The following MICU1 variants were observed in gnomAD, a reference collection of about 807,000 sequenced individuals.
The protein encoded by MICU1 is mitochondrial calcium uptake 1, also known as calcium uptake protein 1, mitochondrial.
Under a neutral mutation model 56.8 loss-of-function variants are expected in MICU1, and 45 were observed. The ratio of observed to expected loss-of-function variants is 0.79; its 90% confidence interval spans 0.62 to 1.02. MICU1 has a LOEUF of 1.02. Ranked by LOEUF, MICU1 falls within the 50% of genes least tolerant of loss-of-function variation. The probability of loss-of-function intolerance (pLI) is 0.00; values close to 1 mark genes in which losing one functional copy is unlikely to be tolerated. For missense variants in MICU1, 504 were observed against 587.1 expected (o/e 0.86, Z 1.46); for synonymous variants, 186 against 195.1 (o/e 0.95, Z 0.39).
intron 10 of MICU1, among the ~76,000 whole-genome samples, chr10:72,394,052 C>T (rs1863166847): frequency 6.6e-6 from 1 of 152,178 alleles, no homozygotes; most frequent in Admixed American, 6.5e-5. Flanking sequence ...CAGGTGTGAG[C>T]CAAAGAGCCC....
At chr10:72,395,522 T>C (rs1374336855) in intron 10 of MICU1, among the ~76,000 whole-genome samples, 1 of 152,106 alleles carries the variant, frequency 6.6e-6, no homozygotes, top group Admixed American at 6.5e-5. Flanking sequence ...GATTTCTCTT[T>C]CCTAGCCAAG....
chr10:72,379,863 CA>C (rs909011763), intron 10 of MICU1, among the ~76,000 whole-genome samples: 22 of 152,144 alleles, frequency 1.4e-4, no homozygotes, highest in African/African-American at 4.8e-4. Flanking sequence ...TGTTAGCCAG[CA>C]AACAGCCTAG....
At chr10:72,510,923 C>T (rs759587145) in intron 5 of MICU1, among the ~76,000 whole-genome samples, 1 of 152,198 alleles carries the variant, frequency 6.6e-6, no homozygotes, top group Admixed American at 6.5e-5. Context: ...TAAGCCACTG[C>T]GACCAGCCAA....
At chr10:72,505,583 T>C (rs772251774) in intron 6 of MICU1, among the ~76,000 whole-genome samples, 7 of 152,170 alleles carry the variant, frequency 4.6e-5, no homozygotes, top group Non-Finnish European at 1.0e-4. Flanking sequence ...AGTGGTGGAC[T>C]GGATAGAGAA....
At chr10:72,412,807 C>T (rs957058641) in intron 9 of MICU1, among the ~76,000 whole-genome samples, 8 of 148,826 alleles carry the variant, frequency 5.4e-5, no homozygotes, top group South Asian at 2.1e-4. Context: ...GCCAAGATTG[C>T]GCCATTGCAC....
rs769812177 is a variant in MICU1 at position 72,551,303 on chromosome 10, C to T, written c.369G>A (p.Thr123=). The part of the protein sequence containing the change: ...EYENRIRAYS[T]PDKIFRYFAT... ...CAAAATATCGGAAGATTTTGTCTGG[C>T]GTGGAGTAGGCTCGAATCCTATTCT... is the stretch of plus-strand genomic sequence containing the variant. Residue 123 remains threonine, a synonymous_variant, in exon 4 of 12, where the codon ACG becomes ACA. Transcript: ENST00000361114. The T allele has an allele frequency of 2.5e-6, 4 of 1,612,612 alleles. No individual in the cohort carries two copies. Among genetic ancestry groups the T allele is most frequent in the Non-Finnish European group, 2.5e-6 (3 of 1,179,322 alleles).
At chr10:72,583,437 C>G (rs1471518490) in intron 1 of MICU1, among the ~76,000 whole-genome samples, 1 of 152,104 alleles carries the variant, frequency 6.6e-6, no homozygotes, top group Admixed American at 6.6e-5. Context: ...TGTACCACCA[C>G]ACCTGGCTAA....
At chr10:72,521,835 G>A (rs544257397) in intron 5 of MICU1, among the ~76,000 whole-genome samples, 5 of 151,596 alleles carry the variant, frequency 3.3e-5, no homozygotes, top group African/African-American at 1.2e-4. Context: ...TTAACTTGAA[G>A]TTGAAGAGGA....
At chr10:72,373,320 A>G (rs1862409653) in intron 11 of MICU1, among the ~76,000 whole-genome samples, 1 of 151,886 alleles carries the variant, frequency 6.6e-6, no homozygotes, top group African/African-American at 2.4e-5. Flanking sequence ...CTAGAACTAC[A>G]TGCACACACT....
chr10:72,368,480 C>A, intron 11 of MICU1, 125 bp from the exon 12 acceptor site: 2 of 1,023,492 alleles, frequency 2.0e-6, no homozygotes, highest in South Asian at 1.6e-5. Flanking sequence ...AAACTCAATT[C>A]TCTTATCCTA....
chr10:72,427,288 C>T (rs1453635481), intron 8 of MICU1, among the ~76,000 whole-genome samples: 4 of 152,196 alleles, frequency 2.6e-5, no homozygotes, highest in East Asian at 1.9e-4. Context: ...GTTCACACTG[C>T]GCCTCTTGTT....
intron 5 of MICU1, among the ~76,000 whole-genome samples, chr10:72,509,902 T>C (rs896501480): frequency 1.1e-4 from 17 of 152,148 alleles, no homozygotes; most frequent in African/African-American, 4.1e-4. Flanking sequence ...GAAAAAAATT[T>C]GCATTTTTTA....
intron 8 of MICU1, among the ~76,000 whole-genome samples, chr10:72,429,102 TAC>T (rs1428163688): frequency 6.6e-6 from 1 of 152,178 alleles, no homozygotes; most frequent in Admixed American, 6.5e-5. Flanking sequence ...AAGAAATTAG[TAC>T]AGAGTTTGAG....
intron 5 of MICU1, among the ~76,000 whole-genome samples, chr10:72,515,278 T>C (rs1035296703): frequency 6.6e-6 from 1 of 152,236 alleles, no homozygotes; most frequent in African/African-American, 2.4e-5. Context: ...TTTAAGTCTT[T>C]CGTTAGATTC....
intron 6 of MICU1, among the ~76,000 whole-genome samples, chr10:72,493,428 G>GTATTT (rs1397039550): frequency 3.3e-5 from 5 of 151,984 alleles, no homozygotes; most frequent in Non-Finnish European, 2.9e-5. Context: ...TTTTATGTGT[G>GTATTT]TATTTGTTTT....
chr10:72,562,147 CTTTTTTTTTTT>C (rs533702573), intron 3 of MICU1, among the ~76,000 whole-genome samples: 3 of 82,650 alleles, frequency 3.6e-5, no homozygotes, highest in African/African-American at 1.0e-4. Flanking sequence ...TACATAAAAT[CTTTTTTTTTTT>C]TTTTTTTTTT....
intron 10 of MICU1, among the ~76,000 whole-genome samples, chr10:72,386,363 G>A (rs1589158976): frequency 1.3e-5 from 2 of 152,046 alleles, no homozygotes; most frequent in African/African-American, 4.8e-5. Flanking sequence ...TGTATTTTTA[G>A]TAGAGACGGG....
intron 1 of MICU1, among the ~76,000 whole-genome samples, chr10:72,589,214 A>C (rs1303792637): frequency 1.3e-5 from 2 of 151,966 alleles, no homozygotes; most frequent in African/African-American, 4.8e-5. Flanking sequence ...GCTTGAACCC[A>C]GGAGGCGGAG....
chr10:72,550,461 G>A (rs1407068569), intron 4 of MICU1, among the ~76,000 whole-genome samples: 1 of 152,170 alleles, frequency 6.6e-6, no homozygotes, highest in Admixed American at 6.5e-5. Flanking sequence ...TCATCATTAA[G>A]TGGCCCGTGA....
Sources: gnomAD v4.1 joint callset for allele counts (sites outside exome capture counted in the v4.1 genomes callset) on GRCh38, gnomAD v4.1.1 for gene constraint, MANE v1.5 for transcripts, NCBI Gene and HGNC (gene_info 2026-07-23, HGNC 2026-07-21) for gene names.